Variants in SLC1A2 observed in about 807,000 individuals in gnomAD.
SLC1A2 encodes the protein excitatory amino acid transporter 2.
Under a neutral mutation model 48.8 loss-of-function variants are expected in SLC1A2, and 15 were observed. The observed-to-expected ratio is 0.31, with a 90% confidence interval of 0.21 to 0.47. The LOEUF (loss-of-function observed/expected upper bound fraction) is 0.47, where lower values mean the gene tolerates loss of function less well. Among genes scored for constraint, SLC1A2 ranks in the 20% least tolerant of loss-of-function variants. The pLI is 0.99. For missense variants in SLC1A2, 502 were observed against 730.5 expected, an observed-to-expected ratio of 0.69 and a Z score of 3.61; for synonymous variants, 279 against 272.6, an observed-to-expected ratio of 1.02 and a Z score of -0.23.
chr11:35,335,374 G>A (rs897110238), intron 1 of SLC1A2, among the ~76,000 whole-genome samples: 3 of 152,096 alleles, frequency 2.0e-5, no homozygotes, highest in Non-Finnish European at 4.4e-5. Context: ...TCAAACTTCA[G>A]CCATAGCAAC....
chr11:35,378,280 G>A (rs1378177237), intron 1 of SLC1A2, among the ~76,000 whole-genome samples: 2 of 152,334 alleles, frequency 1.3e-5, no homozygotes, highest in East Asian at 1.9e-4. Flanking sequence ...ATTACTTTAG[G>A]GACTGATTAT....
rs77964748 is a variant in SLC1A2, at chr11:35,354,288, CA to C, written c.18-36773del. 1.8e-3 allele frequency among the ~76,000 whole-genome samples: 271 copies of C among 149,388 alleles called. 1 individual carries two copies. Among genetic ancestry groups the C allele is most frequent in the African/African-American group, 6.3e-3 (258 of 40,854 alleles). The stretch of plus-strand genomic sequence containing the variant: ...TCAATATAACAAGACCCCGTGTCTA[CA>C]AAAAAAAAATTTTTTTTTAAATTAG... On this transcript the variant is annotated intron_variant, in intron 1 of 10. Transcript: ENST00000278379.
intron 1 of SLC1A2, among the ~76,000 whole-genome samples, chr11:35,410,499 T>C (rs1346278945): frequency 6.6e-6 from 1 of 152,220 alleles, no homozygotes. Context: ...CTCATTATTT[T>C]ATTATCTTTC....
At chr11:35,266,404 A>C (rs183987519) in intron 9 of SLC1A2, among the ~76,000 whole-genome samples, 13 of 152,352 alleles carry the variant, frequency 8.5e-5, no homozygotes, top group Non-Finnish European at 1.5e-4. Context: ...GTCCTGAAAA[A>C]AACAAAATAC....
intron 1 of SLC1A2, among the ~76,000 whole-genome samples, chr11:35,352,678 A>G (rs115313014): frequency 0.018 from 2,757 of 151,650 alleles, 70 homozygotes; most frequent in African/African-American, 0.063. Context: ...GGGCATGCTC[A>G]CTGCACTGAG....
intron 6 of SLC1A2, chr11:35,299,523 TC>T (rs1851285591): frequency 1.3e-5 from 2 of 152,234 alleles, no homozygotes; most frequent in African/African-American, 4.8e-5. Context: ...TTCACTAGCA[TC>T]CTTTCTGTGT....
In SLC1A2 at chr11:35,296,963, T is replaced by C. The variant is rs539337972; in HGVS notation, c.858-4443A>G. ...AGCTCCACAAGGGCCAGAACCTTTC[T>C]CTGTCTTATTCACCATTATCTCACC... On this transcript the variant is annotated intron_variant, in intron 6 of 10. Transcript: ENST00000278379. 7.2e-5 allele frequency among the ~76,000 whole-genome samples: 11 copies of C among 152,268 alleles called. No homozygotes were observed. In the East Asian group the frequency reaches 1.5e-3, roughly 21 times the overall value.
chr11:35,341,384 A>G (rs1852835058), intron 1 of SLC1A2, among the ~76,000 whole-genome samples: 1 of 152,238 alleles, frequency 6.6e-6, no homozygotes, highest in Non-Finnish European at 1.5e-5. Context: ...AACCCTGGAG[A>G]AGAAGCATTT....
At chr11:35,394,535 A>G (rs1854893183) in intron 1 of SLC1A2, among the ~76,000 whole-genome samples, 1 of 152,226 alleles carries the variant, frequency 6.6e-6, no homozygotes, top group Non-Finnish European at 1.5e-5. Context: ...AAACGACCAA[A>G]TGACCCAGCC....
intron 7 of SLC1A2, among the ~76,000 whole-genome samples, chr11:35,287,657 C>A (rs544385372): frequency 6.6e-6 from 1 of 152,314 alleles, no homozygotes; most frequent in East Asian, 1.9e-4. Context: ...ACTTCACCCC[C>A]ACTCCTCCCA....
At chr11:35,278,586 C>T (rs1040340879) in intron 9 of SLC1A2, among the ~76,000 whole-genome samples, 2 of 152,122 alleles carry the variant, frequency 1.3e-5, no homozygotes, top group African/African-American at 4.8e-5. Flanking sequence ...GTTGTCTGCA[C>T]CAACAGCAGG....
At chr11:35,371,634 G>C (rs1019578956) in intron 1 of SLC1A2, among the ~76,000 whole-genome samples, 2 of 152,188 alleles carry the variant, frequency 1.3e-5, no homozygotes, top group Admixed American at 1.3e-4. Context: ...CGATACTTGA[G>C]AGACTTTCAC....
At chr11:35,392,360 C>G (rs1054281433) in intron 1 of SLC1A2, 2 of 152,194 alleles carry the variant, frequency 1.3e-5, no homozygotes, top group African/African-American at 4.8e-5. Context: ...CAGGGTCTTT[C>G]AGGACTCGGA....
chr11:35,336,454 A>T (rs937689760), intron 1 of SLC1A2, among the ~76,000 whole-genome samples: 5 of 152,196 alleles, frequency 3.3e-5, no homozygotes, highest in Non-Finnish European at 7.4e-5. Flanking sequence ...ATGGGCTTTG[A>T]TATTAATAAC....
chr11:35,283,498 C>T (rs1850707307), intron 8 of SLC1A2, among the ~76,000 whole-genome samples: 1 of 152,090 alleles, frequency 6.6e-6, no homozygotes, highest in Non-Finnish European at 1.5e-5. Flanking sequence ...CATCTTTTGT[C>T]AAGTGAAAAT....
rs373172812 is a variant in SLC1A2 at position 35,265,785 on chromosome 11, A to G, written c.1422-27T>C. 97 of 1,452,736 alleles carry G rather than the reference A, an allele frequency of 6.7e-5. 1 individual carries two copies. The South Asian group carries it at 1.1e-3, about 16-fold the overall frequency. The allele number at this position is 1,452,736 out of a possible 1,614,324, so 90.0% of individuals were successfully genotyped here. On this transcript the variant is annotated intron_variant, in intron 9 of 10. Coordinates refer to ENST00000278379, the MANE Select transcript of SLC1A2 (RefSeq NM_004171.4). ...TGGGGACAAAGAACAGAAAAGGTTC[A>G]GTGAGGAAGCAGTATTATGTGGTAG...
chr11:35,381,421 C>G (rs1262392492), intron 1 of SLC1A2, among the ~76,000 whole-genome samples: 1 of 152,126 alleles, frequency 6.6e-6, no homozygotes, highest in African/African-American at 2.4e-5. Flanking sequence ...GAAGAAAACC[C>G]AACCAAAAGA....
intron 7 of SLC1A2, among the ~76,000 whole-genome samples, chr11:35,290,497 A>C (rs949307348): frequency 6.6e-6 from 1 of 152,116 alleles, no homozygotes; most frequent in African/African-American, 2.4e-5. Flanking sequence ...ATAACTAAAG[A>C]CTAATTAAAA....
chr11:35,333,505 T>C (rs1852504852), intron 1 of SLC1A2, among the ~76,000 whole-genome samples: 1 of 152,112 alleles, frequency 6.6e-6, no homozygotes, highest in South Asian at 2.1e-4. Context: ...TTAACAGATG[T>C]CACAGAATTT....
Sources: allele counts gnomAD v4.1 joint callset (sites outside exome capture counted in the v4.1 genomes callset), GRCh38; gene constraint gnomAD v4.1.1; transcripts MANE v1.5; gene names NCBI Gene and HGNC (gene_info 2026-07-23, HGNC 2026-07-21).